PPIL2: variants seen among roughly 807,000 people sequenced by gnomAD.
PPIL2 encodes the protein RING-type E3 ubiquitin-protein ligase PPIL2.
PPIL2 carries 50 observed loss-of-function variants against 75.2 expected under a neutral mutation model. That is an observed-to-expected ratio of 0.66 (90% CI 0.53 to 0.84). The LOEUF (loss-of-function observed/expected upper bound fraction) is 0.84, where lower values mean the gene tolerates loss of function less well. Among genes scored for constraint, PPIL2 ranks in the 40% least tolerant of loss-of-function variants. The pLI is 0.00. For missense variants in PPIL2, 590 were observed against 685.0 expected (o/e 0.86, Z 1.55); for synonymous variants, 245 against 258.8 (o/e 0.95, Z 0.51).
intron 1 of PPIL2, among the ~76,000 whole-genome samples, chr22:21,668,914 T>C (rs1258369110): frequency 6.6e-6 from 1 of 151,806 alleles, no homozygotes; most frequent in Non-Finnish European, 1.5e-5. Flanking sequence ...GGTTTCACTG[T>C]GTTAGCCAGG....
At chr22:21,676,278 G>GTGTGTGTGTGTC (rs1491214826) in intron 6 of PPIL2, among the ~76,000 whole-genome samples, 1 of 142,504 alleles carries the variant, frequency 7.0e-6, no homozygotes. Flanking sequence ...GTGTGTGTGT[G>GTGTGTGTGTGTC]TCTCATTCAG....
At chr22:21,669,144 C>A (rs547727767) in intron 1 of PPIL2, among the ~76,000 whole-genome samples, 1 of 151,190 alleles carries the variant, frequency 6.6e-6, no homozygotes, top group Non-Finnish European at 1.5e-5. Context: ...CCACCTTGCC[C>A]GGCCGGTTTT....
intron 2 of PPIL2, 182 bp from the exon 3 acceptor site, chr22:21,670,384 C>G (rs192323529): frequency 6.7e-7 from 1 of 1,492,244 alleles, no homozygotes; most frequent in African/African-American, 1.4e-5. Context: ...CCAGTAAGTT[C>G]TTTTTTGATG....
rs537415255 is a variant in PPIL2 at position 21,679,113 on chromosome 22, C to G, written c.296-2186C>G. Among the ~76,000 whole-genome samples, 5 of 152,116 alleles carry G rather than the reference C, an allele frequency of 3.3e-5. No homozygotes were observed. In the East Asian group the frequency reaches 9.7e-4, roughly 29 times the overall value. ...GTTTCTCCATGTTGGTCAGGCTGGT[C>G]TCAAACTCCCGACCTCAGGTGATCC... is the stretch of plus-strand genomic sequence containing the variant. On this transcript the variant is annotated intron_variant, in intron 6 of 19. Transcript: ENST00000398831.
chr22:21,673,112 C>T (rs1393583838), intron 5 of PPIL2, among the ~76,000 whole-genome samples: 5 of 152,206 alleles, frequency 3.3e-5, no homozygotes, highest in Non-Finnish European at 5.9e-5. Flanking sequence ...CTTGGACCAG[C>T]GACTAAAGCC....
Position 21,672,415 on chromosome 22 carries a change from G to A in PPIL2, c.243+34G>A, listed in dbSNP as rs200292816. On this transcript the variant is annotated intron_variant, in intron 5 of 19. Transcript: ENST00000398831. The stretch of plus-strand genomic sequence containing the variant: ...CTGTGCAGGAGTTTCAGTGATGCTA[G>A]TGAATGCTATCCTCTCACTTCTCCT... The A allele has an allele frequency of 1.4e-5, 22 of 1,560,950 alleles. No homozygotes were observed. The East Asian group carries it at 3.6e-4, about 25-fold the overall frequency.
chr22:21,666,647 A>T (rs2066393765), intron 1 of PPIL2, among the ~76,000 whole-genome samples: 2 of 152,012 alleles, frequency 1.3e-5, no homozygotes, highest in South Asian at 2.1e-4. Flanking sequence ...CGTCTCTACT[A>T]AAAATACAAA....
chr22:21,670,246 T>G, intron 2 of PPIL2: 4 of 1,230,014 alleles, frequency 3.3e-6, no homozygotes, highest in Non-Finnish European at 4.4e-6. Context: ...TACATTTAAA[T>G]GTTTTTTCTC....
At chr22:21,686,102 C>CA (rs1555897999) in intron 10 of PPIL2, among the ~76,000 whole-genome samples, 2 of 152,112 alleles carry the variant, frequency 1.3e-5, no homozygotes, top group Admixed American at 1.3e-4. Context: ...TTGGAGGCTG[C>CA]AGTGCACCAG....
At chr22:21,689,380 A>G (rs2067524141) in intron 15 of PPIL2, among the ~76,000 whole-genome samples, 1 of 136,636 alleles carries the variant, frequency 7.3e-6, no homozygotes, top group Non-Finnish European at 1.7e-5. Flanking sequence ...GCCTGATGTT[A>G]TGTTTCAGTC....
chr22:21,690,486 C>T (rs370044039), intron 15 of PPIL2, among the ~76,000 whole-genome samples: 10 of 152,146 alleles, frequency 6.6e-5, no homozygotes, highest in South Asian at 4.1e-4. Context: ...TCAGGGTTAA[C>T]GGGCACTTGT....
intron 6 of PPIL2, among the ~76,000 whole-genome samples, chr22:21,676,278 G>GTGTGTC (rs1491214826): frequency 0.017 from 2,413 of 142,496 alleles, 41 homozygotes; most frequent in Non-Finnish European, 0.026. Context: ...GTGTGTGTGT[G>GTGTGTC]TCTCATTCAG....
intron 7 of PPIL2, among the ~76,000 whole-genome samples, chr22:21,681,911 G>A (rs11703445): frequency 0.3 from 46,020 of 152,214 alleles, 7,225 homozygotes; most frequent in Non-Finnish European, 0.35. Context: ...CCTTTGCGCC[G>A]TTGTCAATCC....
downstream of PPIL2, chr22:21,699,522 G>C (rs2068042204): frequency 6.6e-6 from 1 of 152,442 alleles, no homozygotes; most frequent in Non-Finnish European, 1.5e-5. Flanking sequence ...AGAAACACAG[G>C]CCTTAGGAGA....
At chr22:21,682,394 G>C in intron 7 of PPIL2, 43 bp from the exon 8 acceptor site, 1 of 1,557,718 alleles carries the variant, frequency 6.4e-7, no homozygotes, top group Non-Finnish European at 8.9e-7. Flanking sequence ...CCTGTGCCAA[G>C]GCTTGGGGCA....
chr22:21,678,893 A>AT (rs10706275), intron 6 of PPIL2, among the ~76,000 whole-genome samples: 3,460 of 118,130 alleles, frequency 0.029, 157 homozygotes, highest in African/African-American at 0.099. Flanking sequence ...TGCCCAGCCA[A>AT]TTTTTTTTTT....
At chr22:21,690,730 A>T (rs1334140438) in intron 15 of PPIL2, among the ~76,000 whole-genome samples, 1 of 151,942 alleles carries the variant, frequency 6.6e-6, no homozygotes, top group East Asian at 1.9e-4. Flanking sequence ...TGTCATTTTG[A>T]GGGTGCATGT....
Position 21,671,002 on chromosome 22 carries a change from C to T in PPIL2, c.134C>T (p.Ser45Phe). 2 of 1,612,474 alleles carry T rather than the reference C, an allele frequency of 1.2e-6. No individual in the cohort carries two copies. The highest frequency in any genetic ancestry group is 1.7e-6 in the Non-Finnish European group (2 of 1,178,436). Residue 45 changes from serine to phenylalanine, a missense_variant, in exon 4 of 20, where the codon TCT (serine) becomes TTT (phenylalanine). Transcript: ENST00000398831. ...GAATGACTGTCCTTTTTCAGTCTCT[C>T]TCTGCAGCCCTTTGTCTACCCAGTC... is the stretch of plus-strand genomic sequence containing the variant. ...RRLPFDHCSL[S>F]LQPFVYPVCT...
intron 13 of PPIL2, 144 bp from the exon 14 acceptor site, chr22:21,687,929 G>T (rs2067442913): frequency 1.7e-6 from 2 of 1,177,310 alleles, no homozygotes; most frequent in Non-Finnish European, 2.5e-6. Flanking sequence ...TTCACAAAGG[G>T]AGGTGGCTGG....
Sources: gnomAD v4.1 joint callset for allele counts (sites outside exome capture counted in the v4.1 genomes callset) on GRCh38, gnomAD v4.1.1 for gene constraint, MANE v1.5 for transcripts, NCBI Gene and HGNC (gene_info 2026-07-23, HGNC 2026-07-21) for gene names.